Variants in SUPT3H observed in about 807,000 individuals in gnomAD.
The protein encoded by SUPT3H is SPT3 homolog, SAGA and STAGA complex component, also known as transcription initiation protein SPT3 homolog.
In SUPT3H, 44 loss-of-function variants were observed where a neutral mutation model predicts 44.3. The observed-to-expected ratio is 0.99, with a 90% CI of 0.78 to 1.28. The LOEUF (loss-of-function observed/expected upper bound fraction) is 1.28, where lower values mean the gene tolerates loss of function less well. SUPT3H is among the 50% of genes most tolerant of loss of function. The pLI, the probability that SUPT3H is intolerant of heterozygous loss-of-function variation, is 0.00. For missense variants in SUPT3H, 380 were observed against 387.1 expected, an observed-to-expected ratio of 0.98 and a Z score of 0.15; for synonymous variants, 124 against 125.6, an observed-to-expected ratio of 0.99 and a Z score of 0.09.
chr6:44,865,483 G>A (rs1047838502), intron 10 of SUPT3H, among the ~76,000 whole-genome samples: 1 of 152,022 alleles, frequency 6.6e-6, no homozygotes, highest in Non-Finnish European at 1.5e-5. Flanking sequence ...AGATTTAATG[G>A]ACTCACAGTT....
chr6:45,297,295 G>C (rs1219264864), intron 2 of SUPT3H, among the ~76,000 whole-genome samples: 1 of 152,088 alleles, frequency 6.6e-6, no homozygotes, highest in African/African-American at 2.4e-5. Context: ...GAAATCAACT[G>C]TATTCAGAGT....
At chr6:45,140,168 C>T (rs1804947818) in intron 2 of SUPT3H, among the ~76,000 whole-genome samples, 1 of 152,114 alleles carries the variant, frequency 6.6e-6, no homozygotes, top group South Asian at 2.1e-4. Context: ...AATAACCCCA[C>T]TGGCCTGCAA....
chr6:44,934,927 C>G (rs899425062), intron 9 of SUPT3H, among the ~76,000 whole-genome samples: 1 of 152,144 alleles, frequency 6.6e-6, no homozygotes, highest in African/African-American at 2.4e-5. Context: ...GACACATAAG[C>G]CAGCCTGGCT....
chr6:45,004,469 G>A (rs1782432515), intron 5 of SUPT3H, among the ~76,000 whole-genome samples: 1 of 151,648 alleles, frequency 6.6e-6, no homozygotes. Context: ...ATACATATAA[G>A]AATCTATATT....
intron 3 of SUPT3H, among the ~76,000 whole-genome samples, chr6:45,021,422 A>AAT (rs1248682639): frequency 1.1e-4 from 17 of 151,888 alleles, no homozygotes; most frequent in Admixed American, 1.1e-3. Context: ...AGGCAAACTC[A>AAT]ATTTCTTATT....
intron 11 of SUPT3H, among the ~76,000 whole-genome samples, chr6:44,814,429 C>T (rs1490842568): frequency 6.6e-6 from 1 of 152,014 alleles, no homozygotes; most frequent in South Asian, 2.1e-4. Context: ...TGGGAACATA[C>T]CAAGGAAAAC....
At chr6:45,228,576 C>T (rs568695463) in intron 2 of SUPT3H, among the ~76,000 whole-genome samples, 1 of 152,222 alleles carries the variant, frequency 6.6e-6, no homozygotes, top group Non-Finnish European at 1.5e-5. Context: ...TCTTTCTATG[C>T]AAACACCCGC....
At chr6:45,070,801 A>T (rs1794270244) in intron 3 of SUPT3H, among the ~76,000 whole-genome samples, 1 of 151,982 alleles carries the variant, frequency 6.6e-6, no homozygotes, top group South Asian at 2.1e-4. Flanking sequence ...TCTTTTTACA[A>T]ACTGGAGTGA....
intron 2 of SUPT3H, among the ~76,000 whole-genome samples, chr6:45,201,476 ATAAAT>A (rs956250612): frequency 2.6e-5 from 4 of 151,842 alleles, no homozygotes; most frequent in Non-Finnish European, 3.0e-5. Flanking sequence ...ATTTTTAAAA[ATAAAT>A]TAATATATCA....
intron 3 of SUPT3H, among the ~76,000 whole-genome samples, chr6:45,036,224 G>A (rs1263835552): frequency 1.3e-5 from 2 of 152,158 alleles, no homozygotes; most frequent in Admixed American, 6.6e-5. Flanking sequence ...GGAAGGATCA[G>A]GTGAGGGGAG....
chr6:44,965,750 T>G (rs887664167), intron 6 of SUPT3H, among the ~76,000 whole-genome samples: 2 of 152,214 alleles, frequency 1.3e-5, no homozygotes, highest in Non-Finnish European at 2.9e-5. Context: ...ATTCAACATC[T>G]GAGTATTATA....
chr6:45,212,135 C>T (rs966947452), intron 2 of SUPT3H, among the ~76,000 whole-genome samples: 6 of 151,960 alleles, frequency 3.9e-5, no homozygotes, highest in Admixed American at 3.9e-4. Context: ...CACTGCACTC[C>T]AGCCACAGAG....
chr6:45,373,981 T>A (rs1472126524), intron 1 of SUPT3H, among the ~76,000 whole-genome samples: 2 of 152,176 alleles, frequency 1.3e-5, no homozygotes, highest in African/African-American at 2.4e-5. Context: ...AGGCTGAAGG[T>A]AGACAAGATG....
Position 45,229,525 on chromosome 6 carries a change from A to G in SUPT3H, c.102-123519T>C, listed in dbSNP as rs531317461. On this transcript the variant is annotated intron_variant, in intron 2 of 10. Transcript: ENST00000371459. ...ATTCCAGACATAGATGGTGTTCTAT[A>G]TATATATAATCTTCTAAAACAGATT... Among the ~76,000 whole-genome samples, 5 of 152,300 alleles carry G rather than the reference A, an allele frequency of 3.3e-5. No homozygotes were observed. The East Asian group carries it at 9.6e-4, about 29-fold the overall frequency.
chr6:45,263,817 C>T (rs1459039416), intron 2 of SUPT3H, among the ~76,000 whole-genome samples: 5 of 152,182 alleles, frequency 3.3e-5, no homozygotes, highest in Admixed American at 1.3e-4. Context: ...GCCATAAAAT[C>T]GTAACCATCA....
At chr6:45,257,912 T>C (rs1052621397) in intron 2 of SUPT3H, among the ~76,000 whole-genome samples, 2 of 152,218 alleles carry the variant, frequency 1.3e-5, no homozygotes, top group African/African-American at 2.4e-5. Flanking sequence ...ATTGGTCTAA[T>C]ATATTGACTT....
intron 3 of SUPT3H, among the ~76,000 whole-genome samples, chr6:45,059,030 C>G (rs954823782): frequency 6.6e-6 from 1 of 152,062 alleles, no homozygotes; most frequent in Non-Finnish European, 1.5e-5. Flanking sequence ...TAGGAAGCAT[C>G]AGGAGGATAA....
Position 45,195,342 on chromosome 6 carries a change from T to C in SUPT3H, c.102-89336A>G, listed in dbSNP as rs543018414. 5.3e-5 allele frequency among the ~76,000 whole-genome samples: 8 copies of C among 152,178 alleles called. No individual in the cohort carries two copies. In the South Asian group the frequency reaches 1.5e-3, roughly 28 times the overall value. On this transcript the variant is annotated intron_variant, in intron 2 of 10. Coordinates refer to ENST00000371459, the MANE Select transcript of SUPT3H (RefSeq NM_003599.4). ...CACCAACTAGGTACAGGTGTGTAGGTTTTAATGCTCTCAGCCTATGGAATG... is the reference window on the plus strand; with the variant it reads ...CACCAACTAGGTACAGGTGTGTAGGCTTTAATGCTCTCAGCCTATGGAATG...
intron 2 of SUPT3H, among the ~76,000 whole-genome samples, chr6:45,108,832 A>G (rs1799653950): frequency 6.6e-6 from 1 of 152,148 alleles, no homozygotes; most frequent in South Asian, 2.1e-4. Flanking sequence ...TAGTCAGAAC[A>G]ATAAAACAAG....
Sources: gnomAD v4.1 joint callset for allele counts (sites outside exome capture counted in the v4.1 genomes callset) on GRCh38, gnomAD v4.1.1 for gene constraint, MANE v1.5 for transcripts, NCBI Gene and HGNC (gene_info 2026-07-23, HGNC 2026-07-21) for gene names.